NELL2: variants seen among roughly 807,000 people sequenced by gnomAD.
The protein encoded by NELL2 is neural EGFL like 2.
In NELL2, 41 loss-of-function variants were observed where a neutral mutation model predicts 109.6. The ratio of observed to expected loss-of-function variants is 0.37; its 90% CI spans 0.29 to 0.49. The LOEUF (loss-of-function observed/expected upper bound fraction) is 0.49. Among genes scored for constraint, NELL2 ranks in the 20% least tolerant of loss-of-function variants. The probability of loss-of-function intolerance (pLI) is 0.98; values close to 1 mark genes in which losing one functional copy is unlikely to be tolerated. For synonymous variants in NELL2, 355 were observed against 344.7 expected (o/e 1.03, Z -0.33); for missense variants, 900 against 1,008.3 (o/e 0.89, Z 1.45).
At chr12:44,883,471 C>T (rs1000443218) in intron 1 of NELL2, among the ~76,000 whole-genome samples, 2 of 151,938 alleles carry the variant, frequency 1.3e-5, no homozygotes, top group African/African-American at 4.9e-5. Context: ...GTATAGTCTC[C>T]CCATCTGAAG....
chr12:44,660,747 C>A (rs138547862), intron 13 of NELL2, among the ~76,000 whole-genome samples: 133 of 152,186 alleles, frequency 8.7e-4, no homozygotes, highest in African/African-American at 2.9e-3. Context: ...ATCAGAATTC[C>A]TTTTTTGTTG....
chr12:44,592,844 A>AT (rs1944809968), intron 15 of NELL2, among the ~76,000 whole-genome samples: 1 of 152,238 alleles, frequency 6.6e-6, no homozygotes. Context: ...CATTAGCTTA[A>AT]TGGAAAATCT....
At chr12:44,772,082 A>G (rs1173766703) in intron 9 of NELL2, among the ~76,000 whole-genome samples, 1 of 152,226 alleles carries the variant, frequency 6.6e-6, no homozygotes, top group Non-Finnish European at 1.5e-5. Context: ...GCAGTTGAGC[A>G]GAAGCGTTTC....
chr12:44,918,551 G>C (rs916431270), upstream of NELL2, among the ~76,000 whole-genome samples: 1 of 151,294 alleles, frequency 6.6e-6, no homozygotes, highest in Non-Finnish European at 1.5e-5. Context: ...GTGTGTGTGT[G>C]TGTGTGTGTG....
Position 44,876,218 on chromosome 12 carries a change from G to A in NELL2, c.-349C>T, listed in dbSNP as rs1020685647. 17 of 1,182,680 alleles carry A rather than the reference G, an allele frequency of 1.4e-5. No homozygotes were observed. In the Admixed American group the frequency reaches 4.1e-4, roughly 28 times the overall value. The allele number at this position is 1,182,680 out of a possible 1,614,324, so 73.3% of individuals were successfully genotyped here. A position where few individuals can be genotyped will look rare whatever the true frequency, so the allele number is the denominator to read the frequency against. On this transcript the variant is annotated 5_prime_UTR_variant, in exon 1 of 20. Coordinates refer to ENST00000429094, the MANE Select transcript of NELL2 (RefSeq NM_001145108.2). Reference sequence around the variant, plus strand: ...AAAGCAGCCAAAGACTCGCACACCCGGTAGAAGGGGGGCGGCCCCAAGAAA... The same window carrying A: ...AAAGCAGCCAAAGACTCGCACACCCAGTAGAAGGGGGGCGGCCCCAAGAAA...
chr12:44,912,952 T>C (rs1945795907), intron 1 of NELL2, among the ~76,000 whole-genome samples: 1 of 152,180 alleles, frequency 6.6e-6, no homozygotes, highest in Admixed American at 6.5e-5. Flanking sequence ...CACTATTAAG[T>C]GGGAATTGTG....
chr12:44,608,907 T>TGCAAA (rs1945506205), intron 14 of NELL2, among the ~76,000 whole-genome samples: 1 of 149,314 alleles, frequency 6.7e-6, no homozygotes, highest in African/African-American at 2.4e-5. Context: ...TATATATACA[T>TGCAAA]ATATATATGT....
chr12:44,731,538 C>T, intron 9 of NELL2, among the ~76,000 whole-genome samples: 1 of 152,016 alleles, frequency 6.6e-6, no homozygotes, highest in East Asian at 1.9e-4. Flanking sequence ...TGACAGAATT[C>T]AACACCCTTT....
intron 9 of NELL2, among the ~76,000 whole-genome samples, chr12:44,770,875 C>T (rs1017717752): frequency 1.1e-4 from 17 of 152,098 alleles, no homozygotes; most frequent in African/African-American, 2.7e-4. Context: ...CCTGAATCTA[C>T]AATCAATATA....
chr12:44,610,703 A>G (rs1483481429), intron 14 of NELL2, 145 bp downstream of exon 14: 1 of 1,095,096 alleles, frequency 9.1e-7, no homozygotes, highest in Non-Finnish European at 1.3e-6. Flanking sequence ...GACCTGAGGG[A>G]AAGACTATGA....
At chr12:44,748,397 A>G (rs1454986726) in intron 9 of NELL2, among the ~76,000 whole-genome samples, 1 of 152,118 alleles carries the variant, frequency 6.6e-6, no homozygotes, top group East Asian at 1.9e-4. Flanking sequence ...AGGAATCGCT[A>G]CTTCTTTTGC....
intron 12 of NELL2, among the ~76,000 whole-genome samples, chr12:44,687,843 A>G (rs1283712287): frequency 1.3e-5 from 2 of 152,324 alleles, no homozygotes; most frequent in Non-Finnish European, 2.9e-5. Flanking sequence ...GGTGTCTTAT[A>G]TGTTACTTCA....
At chr12:44,590,213 G>GTA (rs1334508601) in intron 15 of NELL2, among the ~76,000 whole-genome samples, 5 of 151,436 alleles carry the variant, frequency 3.3e-5, no homozygotes, top group Non-Finnish European at 7.4e-5. Flanking sequence ...TTTATACTTA[G>GTA]TATATATATA....
chr12:44,632,594 C>T (rs531513939), intron 13 of NELL2, among the ~76,000 whole-genome samples: 12 of 152,044 alleles, frequency 7.9e-5, no homozygotes, highest in African/African-American at 2.7e-4. Flanking sequence ...ACTTGAGGCA[C>T]TCTTTTTTAA....
chr12:44,603,239 A>G (rs1945283585), intron 15 of NELL2, among the ~76,000 whole-genome samples: 1 of 152,094 alleles, frequency 6.6e-6, no homozygotes, highest in Admixed American at 6.6e-5. Context: ...AAAATGTCTG[A>G]TCTCTTCTTT....
At chr12:44,560,678 G>A (rs190850570) in intron 15 of NELL2, among the ~76,000 whole-genome samples, 79 of 152,278 alleles carry the variant, frequency 5.2e-4, no homozygotes, top group Middle Eastern at 3.4e-3. Flanking sequence ...TGAAATTGAC[G>A]TAGTAATTAA....
intron 15 of NELL2, among the ~76,000 whole-genome samples, chr12:44,605,119 T>C (rs144235069): frequency 1.3e-5 from 2 of 152,052 alleles, no homozygotes; most frequent in African/African-American, 4.8e-5. Flanking sequence ...GAATTCAGAT[T>C]GAGGTCTTTG....
chr12:44,637,260 G>A (rs899986556), intron 13 of NELL2, among the ~76,000 whole-genome samples: 14 of 151,220 alleles, frequency 9.3e-5, no homozygotes, highest in Non-Finnish European at 1.8e-4. Context: ...GTTCAGGTCC[G>A]ATCTTAGTTA....
chr12:44,688,701 C>G (rs533743900), intron 12 of NELL2, among the ~76,000 whole-genome samples: 2 of 152,276 alleles, frequency 1.3e-5, no homozygotes, highest in East Asian at 3.9e-4. Context: ...CCATACAAAT[C>G]CTTTACATTC....
Sources: allele counts gnomAD v4.1 joint callset (sites outside exome capture counted in the v4.1 genomes callset), GRCh38; gene constraint gnomAD v4.1.1; transcripts MANE v1.5; gene names NCBI Gene and HGNC (gene_info 2026-07-23, HGNC 2026-07-21).